PTTG1IP2: variants seen among roughly 807,000 people sequenced by gnomAD.
The protein encoded by PTTG1IP2 is PTTG1IP family member 2.
At chr7:90,482,441 A>G (rs1442046767) in intron 2 of PTTG1IP2, among the ~76,000 whole-genome samples, 1 of 152,068 alleles carries the variant, frequency 6.6e-6, no homozygotes, top group Non-Finnish European at 1.5e-5. Context: ...ATAGTGTAGG[A>G]CTAGCCTTCC....
At chr7:90,480,519 A>T (rs1275424791) in intron 2 of PTTG1IP2, among the ~76,000 whole-genome samples, 1 of 152,078 alleles carries the variant, frequency 6.6e-6, no homozygotes, top group Non-Finnish European at 1.5e-5. Context: ...TCCCCTCTAA[A>T]TGTATTATTT....
chr7:90,503,225 T>G (rs1798082559), intron 6 of PTTG1IP2, among the ~76,000 whole-genome samples: 2 of 152,252 alleles, frequency 1.3e-5, no homozygotes, highest in Admixed American at 6.5e-5. Flanking sequence ...TCTCTCAGCC[T>G]TCATAGAATT....
At chr7:90,477,168 A>T (rs1477798344) in intron 1 of PTTG1IP2, among the ~76,000 whole-genome samples, 2 of 152,234 alleles carry the variant, frequency 1.3e-5, no homozygotes, top group African/African-American at 4.8e-5. Flanking sequence ...AATCAAGAGC[A>T]AAGAAGTAAC....
At chr7:90,497,516 A>T (rs1372292599) in intron 6 of PTTG1IP2, among the ~76,000 whole-genome samples, 1 of 145,936 alleles carries the variant, frequency 6.9e-6, no homozygotes, top group Non-Finnish European at 1.5e-5. Flanking sequence ...GTGAACCGAG[A>T]TCGCGCCACT....
intron 3 of PTTG1IP2, 117 bp downstream of exon 3, chr7:90,487,537 T>C (rs1335861524): frequency 2.0e-5 from 3 of 152,628 alleles, no homozygotes; most frequent in African/African-American, 7.2e-5. Flanking sequence ...TATTAAAATA[T>C]AGCAAGTCCA....
intron 3 of PTTG1IP2, among the ~76,000 whole-genome samples, chr7:90,488,546 A>C (rs1180314915): frequency 1.3e-5 from 2 of 152,008 alleles, no homozygotes; most frequent in Non-Finnish European, 2.9e-5. Flanking sequence ...AGCCTGAGGG[A>C]TTTGTTGTTT....
chr7:90,493,456 G>T (rs1159206382), intron 5 of PTTG1IP2, among the ~76,000 whole-genome samples: 1 of 152,200 alleles, frequency 6.6e-6, no homozygotes, highest in East Asian at 1.9e-4. Context: ...CCAGGGGGCT[G>T]CAGAGAATAA....
At chr7:90,495,747 T>C (rs887596973) in intron 6 of PTTG1IP2, among the ~76,000 whole-genome samples, 2 of 152,180 alleles carry the variant, frequency 1.3e-5, no homozygotes, top group Admixed American at 6.5e-5. Flanking sequence ...TCTTCCAAAC[T>C]GGGCCCATTT....
intron 6 of PTTG1IP2, among the ~76,000 whole-genome samples, chr7:90,512,593 G>A (rs1798203495): frequency 6.6e-6 from 1 of 152,184 alleles, no homozygotes; most frequent in Non-Finnish European, 1.5e-5. Context: ...AGTTGGGGTT[G>A]CAGTAGACTG....
chr7:90,474,912 T>G (rs1177965813), intron 1 of PTTG1IP2, among the ~76,000 whole-genome samples: 2 of 152,152 alleles, frequency 1.3e-5, no homozygotes, highest in East Asian at 3.9e-4. Context: ...TGGCAAGGAC[T>G]AACAAGATTC....
At chr7:90,493,551 T>A (rs1797962437) in intron 5 of PTTG1IP2, among the ~76,000 whole-genome samples, 1 of 152,158 alleles carries the variant, frequency 6.6e-6, no homozygotes, top group South Asian at 2.1e-4. Context: ...CAAGGTTAGG[T>A]ATTTATTTAG....
Position 90,471,552 on chromosome 7 carries a change from AC to A in PTTG1IP2, c.145+1622del, listed in dbSNP as rs549524534. Reference sequence around the variant, plus strand: ...AATTTTCTTCACTAAAAGTAACCAGACAACAAAGGGGCATAGTGCAAAAAAT... The same window carrying A: ...AATTTTCTTCACTAAAAGTAACCAGAAACAAAGGGGCATAGTGCAAAAAAT... On this transcript the variant is annotated intron_variant, in intron 1 of 6. Coordinates refer to ENST00000509356, the MANE Select transcript of PTTG1IP2 (RefSeq NM_001365443.2). 2.6e-4 allele frequency among the ~76,000 whole-genome samples: 40 copies of A among 152,354 alleles called. No individual in the cohort carries two copies. In the South Asian group the frequency reaches 7.4e-3, roughly 28 times the overall value.
At chr7:90,475,018 G>T (rs1797731056) in intron 1 of PTTG1IP2, among the ~76,000 whole-genome samples, 1 of 152,164 alleles carries the variant, frequency 6.6e-6, no homozygotes, top group African/African-American at 2.4e-5. Flanking sequence ...GTGCCAGACG[G>T]TTTATTACTC....
chr7:90,497,742 A>AAAAGAAG lies in PTTG1IP2; in HGVS notation c.*50+3314_*50+3315insAGAAGAA, dbSNP rs1554407474. Among the ~76,000 whole-genome samples the AAAAGAAG allele has an allele frequency of 2.4e-3, 324 of 135,488 alleles. 1 individual carries two copies. The highest frequency in any genetic ancestry group is 4.2e-3 in the Non-Finnish European group (274 of 64,880). The allele number at this position is 135,488 out of a possible 152,430, so 88.9% of individuals were successfully genotyped here. On this transcript the variant is annotated intron_variant, in intron 6 of 6. Transcript: ENST00000509356. ...AAAAAAAAAAAAAAAAAAAAAAAAA[A>AAAAGAAG]AAGAAGAAGAAGAAGAAGAAGCCGA...
At chr7:90,474,257 C>T (rs541199587) in intron 1 of PTTG1IP2, among the ~76,000 whole-genome samples, 1 of 152,222 alleles carries the variant, frequency 6.6e-6, no homozygotes, top group South Asian at 2.1e-4. Context: ...TAAAAATATA[C>T]AGTATTATAA....
intron 6 of PTTG1IP2, among the ~76,000 whole-genome samples, chr7:90,499,238 A>T (rs1344316473): frequency 6.6e-6 from 1 of 152,258 alleles, no homozygotes; most frequent in East Asian, 1.9e-4. Context: ...ACAAAATTAA[A>T]TATTTGGCTC....
intron 6 of PTTG1IP2, among the ~76,000 whole-genome samples, chr7:90,505,187 A>G (rs1011845293): frequency 1.3e-5 from 2 of 152,228 alleles, no homozygotes; most frequent in African/African-American, 4.8e-5. Context: ...AATCTATGTG[A>G]TAACTTTTAA....
intron 1 of PTTG1IP2, among the ~76,000 whole-genome samples, chr7:90,470,537 T>G (rs993302611): frequency 6.6e-6 from 1 of 152,212 alleles, no homozygotes; most frequent in African/African-American, 2.4e-5. Context: ...AGATTGCCAT[T>G]TTTACAAAGA....
intron 6 of PTTG1IP2, among the ~76,000 whole-genome samples, chr7:90,505,642 G>A (rs1798114966): frequency 6.6e-6 from 1 of 152,172 alleles, no homozygotes; most frequent in Admixed American, 6.5e-5. Flanking sequence ...CCGCACTGTA[G>A]ATTAGATGAT....
Sources: allele counts gnomAD v4.1 joint callset (sites outside exome capture counted in the v4.1 genomes callset), GRCh38; gene constraint gnomAD v4.1.1; transcripts MANE v1.5; gene names NCBI Gene and HGNC (gene_info 2026-07-23, HGNC 2026-07-21).